Variants in CCDC91 observed in about 807,000 individuals in gnomAD.
CCDC91 encodes the protein coiled-coil domain-containing protein 91.
A neutral mutation model predicts 63.2 loss-of-function variants in CCDC91; 48 were observed. That is an observed-to-expected ratio of 0.76 (90% CI 0.60 to 0.97). The LOEUF (loss-of-function observed/expected upper bound fraction) is 0.97, where lower values mean the gene tolerates loss of function less well. Ranked by LOEUF, CCDC91 falls within the 50% of genes least tolerant of loss-of-function variation. CCDC91 has a pLI of 0.00. For missense variants in CCDC91, 500 were observed against 494.6 expected (o/e 1.01, Z -0.10); for synonymous variants, 167 against 165.8 (o/e 1.01, Z -0.06).
intron 6 of CCDC91, among the ~76,000 whole-genome samples, chr12:28,350,603 A>G (rs571076416): frequency 2.0e-5 from 3 of 152,334 alleles, no homozygotes; most frequent in African/African-American, 7.2e-5. Flanking sequence ...ATAACAAATT[A>G]CCACAAACTT....
intron 3 of CCDC91, among the ~76,000 whole-genome samples, chr12:28,272,987 C>T (rs1947888551): frequency 7.5e-6 from 1 of 133,698 alleles, no homozygotes; most frequent in African/African-American, 2.7e-5. Flanking sequence ...TATCCCTTCC[C>T]CCTCCCCCCA....
intron 8 of CCDC91, among the ~76,000 whole-genome samples, chr12:28,420,714 C>G (rs786707): frequency 0.25 from 38,236 of 150,764 alleles, 5,402 homozygotes; most frequent in East Asian, 0.57. Context: ...TATATGACAT[C>G]TTCCTGTTTT....
chr12:28,335,212 T>G (rs1201534931), intron 6 of CCDC91, among the ~76,000 whole-genome samples: 1 of 138,206 alleles, frequency 7.2e-6, no homozygotes, highest in East Asian at 2.0e-4. Context: ...TATATTCATA[T>G]AAATATGTAG....
intron 8 of CCDC91, among the ~76,000 whole-genome samples, chr12:28,397,442 G>A (rs1197890218): frequency 6.6e-6 from 1 of 151,984 alleles, no homozygotes; most frequent in Admixed American, 6.6e-5. Context: ...CTTGTATTTC[G>A]GCCTAGAAGT....
intron 3 of CCDC91, 152 bp downstream of exon 3, chr12:28,259,594 A>G: frequency 1.7e-6 from 1 of 571,726 alleles, no homozygotes. Flanking sequence ...GGTTTTTAAA[A>G]TAACAAATTG....
chr12:28,351,249 AG>A (rs1381592263), intron 6 of CCDC91, among the ~76,000 whole-genome samples: 2 of 152,242 alleles, frequency 1.3e-5, no homozygotes, highest in African/African-American at 4.8e-5. Context: ...CTGTGAAACT[AG>A]AAAACAAGTC....
intron 6 of CCDC91, among the ~76,000 whole-genome samples, chr12:28,360,848 T>G (rs1291274983): frequency 1.3e-5 from 2 of 152,082 alleles, no homozygotes. Flanking sequence ...AAAATTCACC[T>G]ATTAAGCTTT....
chr12:28,535,399 T>C (rs1411875896), intron 12 of CCDC91, among the ~76,000 whole-genome samples: 1 of 152,188 alleles, frequency 6.6e-6, no homozygotes. Context: ...TTCCATTCCC[T>C]TGCACAACGC....
intron 6 of CCDC91, among the ~76,000 whole-genome samples, chr12:28,330,625 C>T (rs1941424229): frequency 6.6e-6 from 1 of 151,932 alleles, no homozygotes; most frequent in Non-Finnish European, 1.5e-5. Context: ...TAATTAGATC[C>T]CATTTGTCTA....
At chr12:28,443,539 C>A (rs1219829787) in intron 8 of CCDC91, among the ~76,000 whole-genome samples, 1 of 151,874 alleles carries the variant, frequency 6.6e-6, no homozygotes, top group Non-Finnish European at 1.5e-5. Flanking sequence ...AGAGGGTAAA[C>A]TTCTGTAAGG....
intron 12 of CCDC91, among the ~76,000 whole-genome samples, chr12:28,499,715 G>A (rs1361125374): frequency 6.6e-6 from 1 of 152,138 alleles, no homozygotes; most frequent in African/African-American, 2.4e-5. Flanking sequence ...TGGTGTATAT[G>A]TGCCACATTT....
chr12:28,500,016 G>T (rs1952543863), intron 12 of CCDC91, among the ~76,000 whole-genome samples: 1 of 152,008 alleles, frequency 6.6e-6, no homozygotes, highest in African/African-American at 2.4e-5. Flanking sequence ...GTTGTTTCCT[G>T]ACTTTTTAAT....
At chr12:28,288,379 C>T (rs1028993026) in intron 3 of CCDC91, among the ~76,000 whole-genome samples, 2 of 152,092 alleles carry the variant, frequency 1.3e-5, no homozygotes, top group African/African-American at 4.8e-5. Context: ...TCTTTCAATA[C>T]CTAGTTTATT....
At chr12:28,297,047 T>A (rs1440928466) in intron 3 of CCDC91, among the ~76,000 whole-genome samples, 1 of 151,880 alleles carries the variant, frequency 6.6e-6, no homozygotes, top group African/African-American at 2.4e-5. Flanking sequence ...AGGACCTGCA[T>A]TGGATAATAG....
chr12:28,543,968 G>T (rs1942809749), intron 12 of CCDC91, among the ~76,000 whole-genome samples: 2 of 151,796 alleles, frequency 1.3e-5, no homozygotes, highest in African/African-American at 4.8e-5. Flanking sequence ...CAATATTCTG[G>T]TCAAATTTAT....
intron 5 of CCDC91, 82 bp downstream of exon 5, chr12:28,307,027 A>T (rs1179302720): frequency 8.8e-6 from 8 of 906,926 alleles, no homozygotes; most frequent in Non-Finnish European, 1.3e-5. Flanking sequence ...TTAAAAACTC[A>T]TCAGAGGAAG....
In CCDC91 at chr12:28,457,852, A is replaced by G. The variant is rs564447919; in HGVS notation, c.1101+5198A>G. On this transcript the variant is annotated intron_variant, in intron 11 of 12. Transcript: ENST00000536442. ...AAGTCTTTGTTAAGTAAAGGAAAAGACGTTTGTTATTGACACCAAAGTAGG... is the reference window on the plus strand; with the variant it reads ...AAGTCTTTGTTAAGTAAAGGAAAAGGCGTTTGTTATTGACACCAAAGTAGG... Among the ~76,000 whole-genome samples, 43 of 152,216 alleles carry G rather than the reference A, an allele frequency of 2.8e-4. No homozygotes were observed. In the South Asian group the frequency reaches 8.7e-3, roughly 31 times the overall value.
intron 1 of CCDC91, among the ~76,000 whole-genome samples, chr12:28,211,903 T>A (rs550872213): frequency 6.6e-6 from 1 of 152,284 alleles, no homozygotes; most frequent in Admixed American, 6.5e-5. Context: ...TGTGACCCAG[T>A]CAGATGTAAG....
At chr12:28,363,876 GAAAAAAAAAA>G (rs34997286) in intron 7 of CCDC91, among the ~76,000 whole-genome samples, 2 of 52,560 alleles carry the variant, frequency 3.8e-5, no homozygotes, top group Non-Finnish European at 6.4e-5. Flanking sequence ...GGCTCCATCT[GAAAAAAAAAA>G]AAAAAAAAAA....
Sources: allele counts gnomAD v4.1 joint callset (sites outside exome capture counted in the v4.1 genomes callset), GRCh38; gene constraint gnomAD v4.1.1; transcripts MANE v1.5; gene names NCBI Gene and HGNC (gene_info 2026-07-23, HGNC 2026-07-21).